PITPNM3: variants seen among roughly 807,000 people sequenced by gnomAD.
The protein encoded by PITPNM3 is PITPNM family member 3.
In PITPNM3, 26 loss-of-function variants were observed where a neutral mutation model predicts 102.0. The ratio of observed to expected loss-of-function variants is 0.25; its 90% CI spans 0.19 to 0.35. PITPNM3 has a LOEUF of 0.35. Among genes scored for constraint, PITPNM3 ranks in the 10% least tolerant of loss-of-function variants. The pLI, the probability that PITPNM3 is intolerant of heterozygous loss-of-function variation, is 1.00. For missense variants in PITPNM3, 1,083 were observed against 1,346.1 expected (o/e 0.80, Z 3.06); for synonymous variants, 578 against 558.6 (o/e 1.03, Z -0.49).
chr17:6,523,408 CCT>C (rs1040966338), intron 3 of PITPNM3, among the ~76,000 whole-genome samples: 3 of 152,192 alleles, frequency 2.0e-5, no homozygotes, highest in Admixed American at 6.5e-5. Flanking sequence ...CAAACCCAGG[CCT>C]CTCTGACTCC....
intron 2 of PITPNM3, among the ~76,000 whole-genome samples, chr17:6,535,648 G>T (rs1185559887): frequency 6.6e-6 from 1 of 152,140 alleles, no homozygotes; most frequent in African/African-American, 2.4e-5. Flanking sequence ...GCCGGGTGCG[G>T]TGGCTCACAC....
intron 9 of PITPNM3, among the ~76,000 whole-genome samples, chr17:6,476,420 A>G (rs1905301843): frequency 6.6e-6 from 1 of 152,250 alleles, no homozygotes; most frequent in African/African-American, 2.4e-5. Flanking sequence ...TGTGCAGATA[A>G]TGTGTTTAGC....
Position 6,556,459 on chromosome 17 carries a change from G to GCCCGGC in PITPNM3, c.-59_-54dup. ...TACGCGCGCTCCTCGCGCTTCCCGG[G>GCCCGGC]CCCGGCCCCGACCGCCTCCGGCCCC... On this transcript the variant is annotated 5_prime_UTR_variant, in exon 1 of 20. Coordinates refer to ENST00000262483, the MANE Select transcript of PITPNM3 (RefSeq NM_031220.4). The surrounding 1 kb of genome is among the most constrained non-coding windows in gnomAD (Gnocchi z 5.2). 1 of 1,154,120 alleles carries GCCCGGC rather than the reference G, an allele frequency of 8.7e-7. No homozygotes were observed. Among genetic ancestry groups the GCCCGGC allele is most frequent in the African/African-American group, 1.6e-5 (1 of 60,772 alleles). The allele number at this position is 1,154,120 out of a possible 1,614,324, so 71.5% of individuals were successfully genotyped here.
chr17:6,457,743 AG>A lies in PITPNM3; in HGVS notation c.2491-22del. The stretch of plus-strand genomic sequence containing the variant: ...AAGCACTGAAACACAGGGCAGGCAT[AG>A]GGGGAGAGTGAGGCCAGCCCACCCC... On this transcript the variant is annotated intron_variant, in intron 18 of 19. Coordinates refer to ENST00000262483, the MANE Select transcript of PITPNM3 (RefSeq NM_031220.4). This position sits in a 1 kb window ranked among gnomAD's most constrained non-coding sequence, Gnocchi z 4.7. 1 of 1,564,016 alleles carries A rather than the reference AG, an allele frequency of 6.4e-7. No individual in the cohort carries two copies.
intron 18 of PITPNM3, chr17:6,460,940 A>T (rs958319922): frequency 3.5e-6 from 1 of 284,178 alleles, no homozygotes; most frequent in Non-Finnish European, 6.8e-6. Flanking sequence ...TGCTAGTGGG[A>T]ACCATAGCTT....
At chr17:6,552,878 C>T (rs1283539808) in intron 1 of PITPNM3, among the ~76,000 whole-genome samples, 5 of 150,878 alleles carry the variant, frequency 3.3e-5, no homozygotes, top group South Asian at 2.1e-4. Context: ...GCCATTCTCT[C>T]GCCTCAGCCT....
chr17:6,458,766 C>A lies in PITPNM3; in HGVS notation c.2491-1044G>T, dbSNP rs1567658245. Among the ~76,000 whole-genome samples, 1 of 151,872 alleles carries A rather than the reference C, an allele frequency of 6.6e-6. No individual in the cohort carries two copies. The highest frequency in any genetic ancestry group is 1.5e-5 in the Non-Finnish European group (1 of 67,988). On this transcript the variant is annotated intron_variant, in intron 18 of 19. Transcript: ENST00000262483. This position sits in a 1 kb window ranked among gnomAD's most constrained non-coding sequence, Gnocchi z 5.1. ...TGTGTCCTTGCCTCCACCCCGGATTCTCTCACCCCTTCATCCTCCTCCCAC... is the reference window on the plus strand; with the variant it reads ...TGTGTCCTTGCCTCCACCCCGGATTATCTCACCCCTTCATCCTCCTCCCAC...
chr17:6,478,050 G>A lies in PITPNM3; in HGVS notation c.825C>T (p.Ala275=), dbSNP rs1189044377. Residue 275 remains alanine, a synonymous_variant, in exon 8 of 20, where the codon GCC becomes GCT. Coordinates refer to ENST00000262483, the MANE Select transcript of PITPNM3 (RefSeq NM_031220.4). This position sits in a 1 kb window ranked among gnomAD's most constrained non-coding sequence, Gnocchi z 4.4. ...DCVGGLLAFD[A]ICYSAGPSGD... is the part of the protein sequence containing the mutation. ...CTGAGGGCCCCGCACTGTAGCAGAT[G>A]GCATCGAAGGCCAGGAGGCCCCCCA... 1 of 1,613,760 alleles carries A rather than the reference G, an allele frequency of 6.2e-7. No individual in the cohort carries two copies. Among genetic ancestry groups the A allele is most frequent in the Non-Finnish European group, 8.5e-7 (1 of 1,180,044 alleles).
rs372964079 is a variant in PITPNM3, at chr17:6,517,081, A to T, written c.226+8275T>A. ...ACATTCAAATGAGCAAGCAAAATAA[A>T]GACATGTTTAGCAATGCAAGGACCT... On this transcript the variant is annotated intron_variant, in intron 3 of 19. Transcript: ENST00000262483. The surrounding 1 kb of genome is among the most constrained non-coding windows in gnomAD (Gnocchi z 4.1). Among the ~76,000 whole-genome samples, 9 of 152,324 alleles carry T rather than the reference A, an allele frequency of 5.9e-5. No individual in the cohort carries two copies. In the East Asian group the frequency reaches 1.2e-3, roughly 20 times the overall value.
At position 6,472,718 on chromosome 17, in the gene PITPNM3, C is replaced by A; in HGVS notation, c.1368G>T (p.Pro456=). ...TCTGGTAGCGAGGCACGCTGACAGG[C>A]GGCACCAGGTGGAACTTGGGCTCCA... The part of the protein sequence containing the change: ...PLLEPKFHLV[P]PVSVPRYQRF... Residue 456 remains proline (P), a synonymous_variant, in exon 11 of 20, where the codon CCG becomes CCT. Transcript: ENST00000262483. This position sits in a 1 kb window ranked among gnomAD's most constrained non-coding sequence, Gnocchi z 4.1. 6.2e-7 allele frequency: 1 copy of A among 1,614,030 alleles called. No homozygotes were observed. Among genetic ancestry groups the A allele is most frequent in the Non-Finnish European group, 8.5e-7 (1 of 1,179,968 alleles).
Position 6,457,828 on chromosome 17 carries a change from A to T in PITPNM3, c.2491-106T>A. 6.9e-7 allele frequency: 1 copy of T among 1,444,146 alleles called. No individual in the cohort carries two copies. The allele number at this position is 1,444,146 out of a possible 1,614,324, so 89.5% of individuals were successfully genotyped here. Reference sequence around the variant, plus strand: ...CCCTGCTTGGGGACCCTTTATGTGCACTCTGGTAGACTCCAAGCCATGGGG... The same window carrying T: ...CCCTGCTTGGGGACCCTTTATGTGCTCTCTGGTAGACTCCAAGCCATGGGG... On this transcript the variant is annotated intron_variant, in intron 18 of 19. Transcript: ENST00000262483. This position sits in a 1 kb window ranked among gnomAD's most constrained non-coding sequence, Gnocchi z 4.7.
chr17:6,496,429 T>C (rs1226573003), intron 4 of PITPNM3, among the ~76,000 whole-genome samples: 2 of 152,014 alleles, frequency 1.3e-5, no homozygotes, highest in African/African-American at 2.4e-5. Flanking sequence ...CCAGCAAATG[T>C]TCCCCGGGCC....
Position 6,478,349 on chromosome 17 carries a change from A to C in PITPNM3, c.777+198T>G, listed in dbSNP as rs1200604614. Among the ~76,000 whole-genome samples the C allele has an allele frequency of 6.6e-6, 1 of 152,266 alleles. No homozygotes were observed. Among genetic ancestry groups the C allele is most frequent in the East Asian group, 1.9e-4 (1 of 5,196 alleles). Reference sequence around the variant, plus strand: ...GGGCTAGAGAGCAGCATGGGCTCAGAATCAGAACTCAGACTGTTGGCCTCT... The same window carrying C: ...GGGCTAGAGAGCAGCATGGGCTCAGCATCAGAACTCAGACTGTTGGCCTCT... On this transcript the variant is annotated intron_variant, in intron 7 of 19. Transcript: ENST00000262483. The surrounding 1 kb of genome is among the most constrained non-coding windows in gnomAD (Gnocchi z 4.4).
intron 19 of PITPNM3, among the ~76,000 whole-genome samples, chr17:6,456,038 A>T (rs999876994): frequency 6.6e-6 from 1 of 151,694 alleles, no homozygotes; most frequent in Non-Finnish European, 1.5e-5. Flanking sequence ...TAATTTATTT[A>T]TTTGAGAAAG....
chr17:6,489,786 A>G (rs577493810), intron 4 of PITPNM3, among the ~76,000 whole-genome samples: 2 of 152,266 alleles, frequency 1.3e-5, no homozygotes, highest in South Asian at 4.2e-4. Context: ...CAGGCAGATC[A>G]CGAGGTCAGG....
rs1414509361 is a variant in PITPNM3, at chr17:6,457,710, T to C, written c.2503A>G (p.Ile835Val). The change falls in exon 19 of 20, where the codon ATC becomes GTC. Residue 835 changes from isoleucine to valine, a missense_variant. Transcript: ENST00000262483. The surrounding 1 kb of genome is among the most constrained non-coding windows in gnomAD (Gnocchi z 4.7). ...TTCGTGGAGCCATAGGCCGCACTGA[T>C]TTTGATGAAGCACTGAAACACAGGG... ...RNLMQECFIK[I>V]SAAYGSTKDI... The C allele has an allele frequency of 6.3e-7, 1 of 1,588,972 alleles. No individual in the cohort carries two copies. Among genetic ancestry groups the C allele is most frequent in the African/African-American group, 1.3e-5 (1 of 74,632 alleles).
chr17:6,544,983 C>T (rs1422098541), intron 1 of PITPNM3, among the ~76,000 whole-genome samples: 1 of 152,128 alleles, frequency 6.6e-6, no homozygotes, highest in Non-Finnish European at 1.5e-5. Context: ...TACAGCCTGG[C>T]CGAGGCTCCT....
Position 6,455,014 on chromosome 17 carries a change from T to G in PITPNM3, c.*324A>C. 1 of 362,470 alleles carries G rather than the reference T, an allele frequency of 2.8e-6. No homozygotes were observed. The highest frequency in any genetic ancestry group is 5.0e-6 in the Non-Finnish European group (1 of 200,526). The allele number at this position is 362,470 out of a possible 1,614,324, so 22.5% of individuals were successfully genotyped here. On this transcript the variant is annotated 3_prime_UTR_variant, in exon 20 of 20. Transcript: ENST00000262483. ...TGTGAAGCCTGGGGACGCAGGAGGG[T>G]GGTCGACTTTGCCCAAACGCTTCAG...
chr17:6,547,743 CT>C (rs528759983), intron 1 of PITPNM3, among the ~76,000 whole-genome samples: 88 of 145,882 alleles, frequency 6.0e-4, no homozygotes, highest in Middle Eastern at 3.5e-3. Context: ...CTTTTCTTTT[CT>C]TTTTTTTTTT....
Sources: gnomAD v4.1 joint callset for allele counts (sites outside exome capture counted in the v4.1 genomes callset) on GRCh38, gnomAD v4.1.1 for gene constraint, Gnocchi (gnomAD v3.1) non-coding constraint, MANE v1.5 for transcripts, NCBI Gene and HGNC (gene_info 2026-07-23, HGNC 2026-07-21) for gene names.